LPCAT1: variants seen among roughly 807,000 people sequenced by gnomAD.
LPCAT1 encodes the protein 1-acylglycerol-3-phosphate O-acyltransferase.
A neutral mutation model predicts 60.9 loss-of-function variants in LPCAT1; 23 were observed. The ratio of observed to expected loss-of-function variants is 0.38; its 90% CI spans 0.27 to 0.53. LPCAT1 has a LOEUF of 0.53. LPCAT1 is among the 20% of genes least tolerant of loss of function. The probability of loss-of-function intolerance (pLI) is 0.82; values close to 1 mark genes in which losing one functional copy is unlikely to be tolerated. For missense variants in LPCAT1, 622 were observed against 723.6 expected, an observed-to-expected ratio of 0.86 and a Z score of 1.61; for synonymous variants, 340 against 301.1, an observed-to-expected ratio of 1.13 and a Z score of -1.34.
chr5:1,494,678 C>T, intron 3 of LPCAT1, 22 bp downstream of exon 3: 1 of 1,609,122 alleles, frequency 6.2e-7, no homozygotes. Context: ...TCCCTCACTC[C>T]CAGCAGGGGT....
At chr5:1,485,529 G>A (rs769469498) in intron 5 of LPCAT1, among the ~76,000 whole-genome samples, 2 of 152,200 alleles carry the variant, frequency 1.3e-5, no homozygotes, top group Non-Finnish European at 2.9e-5. Context: ...CTGGGCATGG[G>A]TCTAACGTCA....
Position 1,463,591 on chromosome 5 carries a change from A to T in LPCAT1, c.*60T>A. 1.9e-6 allele frequency: 3 copies of T among 1,580,446 alleles called. No individual in the cohort carries two copies. Among genetic ancestry groups the T allele is most frequent in the Non-Finnish European group, 2.6e-6 (3 of 1,158,092 alleles). Reference sequence around the variant, plus strand: ...AGCGGAGCCCAGAGGTCACTCGCAAAGAGGCTCATGGCGGTGATGTCCACG... The same window carrying T: ...AGCGGAGCCCAGAGGTCACTCGCAATGAGGCTCATGGCGGTGATGTCCACG... On this transcript the variant is annotated 3_prime_UTR_variant, in exon 14 of 14. Coordinates refer to ENST00000283415, the MANE Select transcript of LPCAT1 (RefSeq NM_024830.5).
At chr5:1,501,186 T>C (rs1735989353) in intron 2 of LPCAT1, among the ~76,000 whole-genome samples, 1 of 152,162 alleles carries the variant, frequency 6.6e-6, no homozygotes, top group African/African-American at 2.4e-5. Context: ...GGGGGGTCTC[T>C]GTGCTCAAGG....
At chr5:1,482,183 G>T (rs1579775103) in intron 6 of LPCAT1, among the ~76,000 whole-genome samples, 1 of 151,918 alleles carries the variant, frequency 6.6e-6, no homozygotes, top group African/African-American at 2.4e-5. Context: ...TGCTCCAGGA[G>T]CCCATGAAGG....
chr5:1,504,714 C>CAAAA (rs11463524), intron 1 of LPCAT1, among the ~76,000 whole-genome samples: 14 of 102,074 alleles, frequency 1.4e-4, no homozygotes, highest in South Asian at 3.1e-4. Flanking sequence ...ATCTCCGTCC[C>CAAAA]AAAAAAAAAA....
intron 1 of LPCAT1, among the ~76,000 whole-genome samples, chr5:1,520,260 G>GT (rs911554989): frequency 3.9e-5 from 6 of 152,244 alleles, no homozygotes; most frequent in African/African-American, 9.6e-5. Context: ...CTGCTCCTGA[G>GT]TTTTTTTAAA....
intron 11 of LPCAT1, among the ~76,000 whole-genome samples, chr5:1,473,544 A>G (rs1212185316): frequency 1.2e-4 from 19 of 152,158 alleles, no homozygotes. Flanking sequence ...GCCCTCCCAC[A>G]CCCACAGGCT....
At chr5:1,494,282 G>A (rs889481199) in intron 3 of LPCAT1, among the ~76,000 whole-genome samples, 1 of 152,248 alleles carries the variant, frequency 6.6e-6, no homozygotes, top group Non-Finnish European at 1.5e-5. Flanking sequence ...TGTTATGATA[G>A]TGAGGGCACT....
intron 1 of LPCAT1, among the ~76,000 whole-genome samples, chr5:1,511,152 C>T (rs919168478): frequency 6.6e-6 from 1 of 152,234 alleles, no homozygotes; most frequent in South Asian, 2.1e-4. Context: ...CTTGCTCATG[C>T]CCACGCAGGC....
At chr5:1,478,213 T>C (rs1323958033) in intron 8 of LPCAT1, among the ~76,000 whole-genome samples, 3 of 152,270 alleles carry the variant, frequency 2.0e-5, no homozygotes, top group Non-Finnish European at 2.9e-5. Flanking sequence ...TTTAAATGAA[T>C]ATGACCCACA....
rs779529895 is a variant in LPCAT1 at position 1,474,673 on chromosome 5, G to A, written c.912C>T (p.Val304=). Residue 304 remains valine, a synonymous_variant, in exon 10 of 14, where the codon GTC becomes GTT. Transcript: ENST00000283415. ...CCTCGAACGTGTAGTCAGTCACGGA[G>A]ACACCCAAGGCCCTACAAGGAGGGC... ...VRRVMAEALG[V]SVTDYTFEDC... is the part of the protein sequence containing the mutation. 3.1e-6 allele frequency: 5 copies of A among 1,613,720 alleles called. No homozygotes were observed. In the South Asian group the frequency reaches 5.5e-5, roughly 18 times the overall value.
rs755213539 is a variant in LPCAT1, at chr5:1,489,811, C to T, written c.541G>A (p.Asp181Asn). Reference sequence around the variant, plus strand: ...TCTTCTACTGTTTTCCTGCGAGAATCCTGGTCTGACCGGGACACGAACACA... The same window carrying T: ...TCTTCTACTGTTTTCCTGCGAGAATTCTGGTCTGACCGGGACACGAACACA... ...RPVFVSRSDQDSRRKTVEEIK... is the reference protein window; with the variant it reads ...RPVFVSRSDQNSRRKTVEEIK... The change falls in exon 4 of 14, where the codon GAT becomes AAT. Residue 181 changes from aspartate to asparagine, a missense_variant. Asp to Asn is a conservative substitution (Grantham distance 23). Transcript: ENST00000283415. 6 of 1,614,210 alleles carry T rather than the reference C, an allele frequency of 3.7e-6. No individual in the cohort carries two copies. The highest frequency in any genetic ancestry group is 5.1e-6 in the Non-Finnish European group (6 of 1,180,010).
At chr5:1,514,228 G>A (rs1391747679) in intron 1 of LPCAT1, among the ~76,000 whole-genome samples, 1 of 152,236 alleles carries the variant, frequency 6.6e-6, no homozygotes, top group African/African-American at 2.4e-5. Flanking sequence ...CTGGGCACAA[G>A]GGGCCCGGCA....
chr5:1,477,265 A>G lies in LPCAT1; in HGVS notation c.899+139T>C, dbSNP rs2126511938. ...CACAGCACAAGGCCAAGCACGCTTC[A>G]CCAACATGCATGAAGCTGGTTCCCG... is the stretch of plus-strand genomic sequence containing the variant. On this transcript the variant is annotated intron_variant, in intron 9 of 13. Transcript: ENST00000283415. The surrounding 1 kb of genome is among the most constrained non-coding windows in gnomAD (Gnocchi z 6.0). 1 of 684,088 alleles carries G rather than the reference A, an allele frequency of 1.5e-6. No homozygotes were observed. The highest frequency in any genetic ancestry group is 1.8e-5 in the South Asian group (1 of 56,018). 42.4% of individuals were successfully genotyped at this position (684,088 alleles called of 1,614,324 possible).
In LPCAT1 at chr5:1,474,607, G is replaced by A. The variant is rs1035189333; in HGVS notation, c.978C>T (p.Pro326=). 12 of 1,613,898 alleles carry A rather than the reference G, an allele frequency of 7.4e-6. No individual in the cohort carries two copies. The highest frequency in any genetic ancestry group is 4.5e-5 in the East Asian group (2 of 44,892). The change falls in exon 10 of 14, where the codon CCC becomes CCT. Residue 326 remains proline (P), a synonymous_variant. Transcript: ENST00000283415. ...LALAEGQLRL[P]ADTCLLEFAR... ...CAAATTCTAAAAGGCAAGTGTCAGC[G>A]GGGAGACGGAGCTGTCCTTCCGCCA... is the stretch of plus-strand genomic sequence containing the variant.
At chr5:1,507,547 C>G (rs370558510) in intron 1 of LPCAT1, among the ~76,000 whole-genome samples, 102 of 152,348 alleles carry the variant, frequency 6.7e-4, no homozygotes, top group African/African-American at 2.3e-3. Flanking sequence ...CGGGCTTGCT[C>G]CAGGTCACAG....
In LPCAT1 at chr5:1,480,494, T is replaced by C. The variant is rs140069942; in HGVS notation, c.761+448A>G. 723 of 406,878 alleles carry C rather than the reference T, an allele frequency of 1.8e-3. 4 individuals carry two copies. Among genetic ancestry groups the C allele is most frequent in the African/African-American group, 0.015 (689 of 46,196 alleles). 25.2% of individuals were successfully genotyped at this position (406,878 alleles called of 1,614,324 possible). A position where few individuals can be genotyped will look rare whatever the true frequency, so the allele number is the denominator to read the frequency against. On this transcript the variant is annotated intron_variant, in intron 7 of 13. Transcript: ENST00000283415. The surrounding 1 kb of genome is among the most constrained non-coding windows in gnomAD (Gnocchi z 6.4). ...GTTCCCGTTTCCGTGGGGTTGTTCA[T>C]TGTTGCATAACTGACCTTCGGTGTC...
At chr5:1,468,746 C>G (rs944000113) in intron 12 of LPCAT1, among the ~76,000 whole-genome samples, 2 of 152,258 alleles carry the variant, frequency 1.3e-5, no homozygotes, top group Non-Finnish European at 2.9e-5. Flanking sequence ...CGCTGCGCAT[C>G]CGGAGTCCTG....
At chr5:1,513,424 A>G (rs775616615) in intron 1 of LPCAT1, among the ~76,000 whole-genome samples, 1 of 152,204 alleles carries the variant, frequency 6.6e-6, no homozygotes, top group Non-Finnish European at 1.5e-5. Flanking sequence ...CAGCTCCTGC[A>G]AGGCCTGGCT....
Sources: gnomAD v4.1 joint callset for allele counts (sites outside exome capture counted in the v4.1 genomes callset) on GRCh38, gnomAD v4.1.1 for gene constraint, Gnocchi (gnomAD v3.1) non-coding constraint, MANE v1.5 for transcripts, NCBI Gene and HGNC (gene_info 2026-07-23, HGNC 2026-07-21) for gene names.